ZPBP: variants seen among roughly 807,000 people sequenced by gnomAD.
ZPBP encodes zona pellucida-binding protein 1.
ZPBP carries 26 observed loss-of-function variants against 44.8 expected under a neutral mutation model. The observed-to-expected ratio is 0.58, with a 90% CI of 0.43 to 0.81. The LOEUF is 0.81. ZPBP is among the 30% of genes least tolerant of loss of function. The probability of loss-of-function intolerance (pLI) is 0.00; values close to 1 mark genes in which losing one functional copy is unlikely to be tolerated. For synonymous variants in ZPBP, 174 were observed against 153.2 expected, an observed-to-expected ratio of 1.14 and a Z score of -1.00; for missense variants, 409 against 434.0, an observed-to-expected ratio of 0.94 and a Z score of 0.51.
Position 49,951,539 on chromosome 7 carries a change from CTT to C in ZPBP, c.962-13919_962-13918del, listed in dbSNP as rs200672287. ...TTTCACATATACTAGAATGGTTAAA[CTT>C]TTTTTTTTTTTTTTTAAAAAGGAAA... On this transcript the variant is annotated intron_variant, in intron 7 of 7. Transcript: ENST00000046087. Among the ~76,000 whole-genome samples, 455 of 138,142 alleles carry C rather than the reference CTT, an allele frequency of 3.3e-3. 6 individuals carry two copies. Among genetic ancestry groups the C allele is most frequent in the Admixed American group, 5.6e-3 (76 of 13,662 alleles). 90.6% of individuals were successfully genotyped at this position (138,142 alleles called of 152,430 possible). A position where few individuals can be genotyped will look rare whatever the true frequency, so the allele number is the denominator to read the frequency against.
chr7:50,058,278 C>T, intron 3 of ZPBP, 137 bp from the exon 4 acceptor site: 1 of 856,728 alleles, frequency 1.2e-6, no homozygotes, highest in Non-Finnish European at 1.9e-6. Flanking sequence ...TAGGACATTA[C>T]ATCTGGTATC....
At chr7:49,842,016 G>T in the ZPBP span, among the ~76,000 whole-genome samples, 1 of 151,922 alleles carries the variant, frequency 6.6e-6, no homozygotes, top group Non-Finnish European at 1.5e-5. Flanking sequence ...ACAGGTGCTC[G>T]CCACCACGCC....
chr7:50,092,060 T>C (rs1184337396), intron 1 of ZPBP, among the ~76,000 whole-genome samples: 1 of 152,202 alleles, frequency 6.6e-6, no homozygotes, highest in Non-Finnish European at 1.5e-5. Flanking sequence ...GCCTTCACTA[T>C]TCATCACTTA....
chr7:50,058,237 C>A, intron 3 of ZPBP, 96 bp from the exon 4 acceptor site: 1 of 1,329,446 alleles, frequency 7.5e-7, no homozygotes, highest in Non-Finnish European at 1.1e-6. Context: ...AATTTACCAA[C>A]ACAGTCAATG....
At chr7:49,864,097 G>T (rs979206262) in intron 2 of ZPBP, among the ~76,000 whole-genome samples, 1 of 152,024 alleles carries the variant, frequency 6.6e-6, no homozygotes, top group Non-Finnish European at 1.5e-5. Context: ...TGTTGTTGCG[G>T]GCTGTGATTG....
chr7:49,980,220 A>C (rs1193789871), intron 7 of ZPBP, among the ~76,000 whole-genome samples: 1 of 123,912 alleles, frequency 8.1e-6, no homozygotes, highest in Admixed American at 1.0e-4. Context: ...ATAATATAAA[A>C]TTATATAATA....
chr7:50,080,966 C>T (rs1802324593), intron 3 of ZPBP, among the ~76,000 whole-genome samples: 1 of 151,516 alleles, frequency 6.6e-6, no homozygotes, highest in Non-Finnish European at 1.5e-5. Context: ...ACAGACTGAC[C>T]CAAAGAGGAG....
chr7:50,091,516 AC>A (rs1272741827), intron 1 of ZPBP, among the ~76,000 whole-genome samples: 1 of 152,134 alleles, frequency 6.6e-6, no homozygotes, highest in Non-Finnish European at 1.5e-5. Context: ...TAAATCTAGG[AC>A]CTGAAACTAT....
chr7:50,074,513 C>A (rs1196406861), intron 3 of ZPBP, among the ~76,000 whole-genome samples: 1 of 151,720 alleles, frequency 6.6e-6, no homozygotes, highest in Non-Finnish European at 1.5e-5. Flanking sequence ...TGATCTACTG[C>A]CTATAAGAAA....
intron 7 of ZPBP, among the ~76,000 whole-genome samples, chr7:49,973,943 T>C (rs914409906): frequency 6.6e-6 from 1 of 152,178 alleles, no homozygotes; most frequent in African/African-American, 2.4e-5. Flanking sequence ...AACAGGTATA[T>C]GTAGTAGATA....
chr7:49,863,609 T>C (rs1790757100), intron 2 of ZPBP, among the ~76,000 whole-genome samples: 1 of 152,092 alleles, frequency 6.6e-6, no homozygotes, highest in Non-Finnish European at 1.5e-5. Flanking sequence ...ATTTTGTATT[T>C]TGTGTAGAGA....
chr7:49,983,263 G>A, intron 7 of ZPBP, 79 bp downstream of exon 7: 1 of 1,193,280 alleles, frequency 8.4e-7, no homozygotes, highest in Middle Eastern at 2.0e-4. Flanking sequence ...AAAAATAAGT[G>A]ATATGCATTC....
intron 3 of ZPBP, among the ~76,000 whole-genome samples, chr7:50,068,247 G>A (rs1584162441): frequency 6.6e-6 from 1 of 152,140 alleles, no homozygotes; most frequent in African/African-American, 2.4e-5. Flanking sequence ...GTTGGAGTAG[G>A]AAGTGCACAA....
At position 50,027,487 on chromosome 7, in the gene ZPBP, T is replaced by C. The variant is rs139049668; in HGVS notation, c.706+3605A>G. Among the ~76,000 whole-genome samples, 458 of 152,160 alleles carry C rather than the reference T, an allele frequency of 3.0e-3. 1 individual carries two copies. Among genetic ancestry groups the C allele is most frequent in the African/African-American group, 0.01 (419 of 41,550 alleles). On this transcript the variant is annotated intron_variant, in intron 5 of 7. Coordinates refer to ENST00000046087, the MANE Select transcript of ZPBP (RefSeq NM_007009.3). ...AGTTAAAGCAGTATTCAGAAGGAAA[T>C]GTATGGGTGTAAACACCTATACTTA... is the stretch of plus-strand genomic sequence containing the variant.
rs540040200 is a variant in ZPBP, at chr7:50,089,861, C to T, written c.128-152G>A. ...TCACTGTTCCAACTCTATTCCCCCT[C>T]AGATGATCTGATAAATTTAATCTAC... is the stretch of plus-strand genomic sequence containing the variant. On this transcript the variant is annotated intron_variant, in intron 1 of 7. Coordinates refer to ENST00000046087, the MANE Select transcript of ZPBP (RefSeq NM_007009.3). 1.8e-4 allele frequency: 121 copies of T among 654,208 alleles called. No homozygotes were observed. The African/African-American group carries it at 1.9e-3, about 10-fold the overall frequency. The allele number at this position is 654,208 out of a possible 1,614,324, so 40.5% of individuals were successfully genotyped here. A position where few individuals can be genotyped will look rare whatever the true frequency, so the allele number is the denominator to read the frequency against.
In ZPBP at chr7:50,015,970, TA is replaced by T. The variant is rs199615756; in HGVS notation, c.783+2269del. The stretch of plus-strand genomic sequence containing the variant: ...CACTTCTATACTGCTGGTGGGAATG[TA>T]AATTAGTTTAGCCACTGTGGGAAGC... On this transcript the variant is annotated intron_variant, in intron 6 of 7. Coordinates refer to ENST00000046087, the MANE Select transcript of ZPBP (RefSeq NM_007009.3). 3.4e-3 allele frequency among the ~76,000 whole-genome samples: 519 copies of T among 152,272 alleles called. 2 individuals carry two copies. The highest frequency in any genetic ancestry group is 5.2e-3 in the Non-Finnish European group (352 of 68,010).
chr7:49,928,505 C>A (rs1583857511), intron 1 of ZPBP, among the ~76,000 whole-genome samples: 1 of 152,318 alleles, frequency 6.6e-6, no homozygotes, highest in East Asian at 1.9e-4. Context: ...CCTTCAGGAC[C>A]ACCCCTGTGG....
chr7:49,931,484 T>C (rs1165849579), intron 1 of ZPBP, among the ~76,000 whole-genome samples: 5 of 152,218 alleles, frequency 3.3e-5, no homozygotes, highest in Admixed American at 6.5e-5. Context: ...ACTCTTGCTA[T>C]GCAAAGAGAC....
intron 7 of ZPBP, among the ~76,000 whole-genome samples, chr7:49,948,659 T>C (rs994184851): frequency 1.3e-5 from 2 of 151,970 alleles, no homozygotes; most frequent in Admixed American, 6.6e-5. Flanking sequence ...CTCAAAACCA[T>C]AATGAGATAC....
Sources: allele counts gnomAD v4.1 joint callset (sites outside exome capture counted in the v4.1 genomes callset), GRCh38; gene constraint gnomAD v4.1.1; transcripts MANE v1.5; gene names NCBI Gene and HGNC (gene_info 2026-07-23, HGNC 2026-07-21).